Variants in ATXN3 observed in about 807,000 individuals in gnomAD.
ATXN3 encodes ataxin 3.
A neutral mutation model predicts 58.2 loss-of-function variants in ATXN3; 28 were observed. The observed-to-expected ratio is 0.48, with a 90% confidence interval of 0.36 to 0.66. The LOEUF is 0.66. Among genes scored for constraint, ATXN3 ranks in the 30% least tolerant of loss-of-function variants. The pLI is 0.00. For synonymous variants in ATXN3, 113 were observed against 138.5 expected (o/e 0.82, Z 1.29); for missense variants, 321 against 422.1 (o/e 0.76, Z 2.10).
At chr14:92,091,641 A>C (rs1432143754) in intron 5 of ATXN3, among the ~76,000 whole-genome samples, 2 of 152,126 alleles carry the variant, frequency 1.3e-5, no homozygotes, top group Non-Finnish European at 2.9e-5. Flanking sequence ...TTTAAAAAAA[A>C]CAGATTTATT....
chr14:92,070,731 C>G, intron 10 of ATXN3: 1 of 1,326,252 alleles, frequency 7.5e-7, no homozygotes, highest in Non-Finnish European at 1.0e-6. Context: ...CAGATGTGAG[C>G]CACCACATCT....
chr14:92,066,601 G>GTTTTTTTTTT (rs66941473), intron 10 of ATXN3, among the ~76,000 whole-genome samples: 67 of 106,984 alleles, frequency 6.3e-4, no homozygotes, highest in Non-Finnish European at 7.7e-4. Flanking sequence ...TTTTTTTCTT[G>GTTTTTTTTTT]TTTTTTTTTT....
intron 5 of ATXN3, among the ~76,000 whole-genome samples, chr14:92,089,021 C>CTT (rs397942802): frequency 1.4e-5 from 2 of 144,562 alleles, no homozygotes; most frequent in Non-Finnish European, 1.5e-5. Flanking sequence ...CTATTAAATA[C>CTT]TTTTTTTTTT....
chr14:92,084,322 C>T (rs1295372672), intron 6 of ATXN3, among the ~76,000 whole-genome samples: 2 of 152,166 alleles, frequency 1.3e-5, no homozygotes, highest in African/African-American at 4.8e-5. Flanking sequence ...GCGGAAAGAG[C>T]TACCCCCACC....
chr14:92,066,762 C>T (rs1479599394), intron 10 of ATXN3, among the ~76,000 whole-genome samples: 1 of 146,894 alleles, frequency 6.8e-6, no homozygotes, highest in Non-Finnish European at 1.5e-5. Flanking sequence ...CGCCCACCAC[C>T]AAGCCTGGAT....
chr14:92,106,372 G>C (rs989632715), intron 1 of ATXN3, among the ~76,000 whole-genome samples, 157 bp downstream of exon 1: 2 of 151,754 alleles, frequency 1.3e-5, no homozygotes, highest in Non-Finnish European at 2.9e-5. Context: ...TCCCCTCCTC[G>C]AGCCGAGGAG....
intron 9 of ATXN3, among the ~76,000 whole-genome samples, chr14:92,075,651 G>C (rs1399819984): frequency 6.6e-6 from 1 of 152,108 alleles, no homozygotes; most frequent in African/African-American, 2.4e-5. Flanking sequence ...GGTCAATTTG[G>C]GAAGGGTGAG....
chr14:92,093,709 G>T (rs753584953), intron 4 of ATXN3, 37 bp downstream of exon 4: 3 of 1,423,764 alleles, frequency 2.1e-6, no homozygotes, highest in Non-Finnish European at 2.9e-6. Context: ...ATCAAATTTG[G>T]GAAAAGAAAT....
chr14:92,105,673 C>A (rs926298744), intron 1 of ATXN3, among the ~76,000 whole-genome samples: 1 of 152,144 alleles, frequency 6.6e-6, no homozygotes, highest in Admixed American at 6.5e-5. Flanking sequence ...TTCACTCACA[C>A]ACAAATGGCT....
intron 2 of ATXN3, among the ~76,000 whole-genome samples, chr14:92,045,878 G>A (rs1248298598): frequency 6.6e-6 from 1 of 152,164 alleles, no homozygotes; most frequent in Non-Finnish European, 1.5e-5. Context: ...TGGCCGTGAG[G>A]GACAGAAGTT....
chr14:92,068,142 C>T (rs1338484739), intron 10 of ATXN3, among the ~76,000 whole-genome samples: 1 of 152,152 alleles, frequency 6.6e-6, no homozygotes, highest in Non-Finnish European at 1.5e-5. Context: ...GTTCAGCCTC[C>T]CTGTGACCAC....
At chr14:92,084,741 A>G (rs10138296) in intron 6 of ATXN3, among the ~76,000 whole-genome samples, 42,917 of 151,722 alleles carry the variant, frequency 0.28, 6,407 homozygotes, top group East Asian at 0.44. Context: ...CACCACACCC[A>G]GTTAATGTTT....
intron 6 of ATXN3, among the ~76,000 whole-genome samples, chr14:92,086,432 G>C (rs557062918): frequency 6.6e-6 from 1 of 151,600 alleles, no homozygotes; most frequent in Non-Finnish European, 1.5e-5. Flanking sequence ...AGGCATGGTG[G>C]CACATGCCTG....
chr14:92,096,180 G>GGCCCCC, intron 2 of ATXN3, 43 bp from the exon 3 acceptor site: 1 of 1,278,228 alleles, frequency 7.8e-7, no homozygotes, highest in Non-Finnish European at 1.1e-6. Context: ...TGGGGGTGGG[G>GGCCCCC]AAAGAAGGAT....
intron 10 of ATXN3, among the ~76,000 whole-genome samples, chr14:92,070,027 T>A (rs991927006): frequency 1.3e-5 from 2 of 152,230 alleles, no homozygotes; most frequent in African/African-American, 4.8e-5. Flanking sequence ...TGGTGAAATA[T>A]CTTTTCAAAT....
At chr14:92,050,743 C>G (rs943957983), upstream of ATXN3, 1 of 152,518 alleles carries the variant, frequency 6.6e-6, no homozygotes, top group African/African-American at 2.4e-5. Flanking sequence ...CTCCGCCTCC[C>G]AGGTTCAAGC....
At chr14:92,095,790 A>G (rs1330949887) in intron 3 of ATXN3, among the ~76,000 whole-genome samples, 1 of 151,734 alleles carries the variant, frequency 6.6e-6, no homozygotes, top group Non-Finnish European at 1.5e-5. Context: ...TAAAAATACA[A>G]ATATTAACTG....
chr14:92,097,878 T>A (rs1273946719), intron 1 of ATXN3, among the ~76,000 whole-genome samples: 1 of 152,156 alleles, frequency 6.6e-6, no homozygotes, highest in Non-Finnish European at 1.5e-5. Flanking sequence ...ATAAGGATAA[T>A]TAACATAGGT....
At position 92,097,064 on chromosome 14, in the gene ATXN3, C is replaced by T. The variant is rs1459717266; in HGVS notation, c.25-226G>A. On this transcript the variant is annotated intron_variant, in intron 1 of 10. Coordinates refer to ENST00000644486, the MANE Select transcript of ATXN3 (RefSeq NM_004993.6). The stretch of plus-strand genomic sequence containing the variant: ...CTGGTACTACAGGCACCCGCCACCA[C>T]GCCCGGCTAAATTTTTGTATTTTTA... 29 of 417,726 alleles carry T rather than the reference C, an allele frequency of 6.9e-5. No homozygotes were observed. The Admixed American group carries it at 7.5e-4, about 11-fold the overall frequency. The allele number at this position is 417,726 out of a possible 1,614,324, so 25.9% of individuals were successfully genotyped here.
Sources: allele counts gnomAD v4.1 joint callset (sites outside exome capture counted in the v4.1 genomes callset), GRCh38; gene constraint gnomAD v4.1.1; transcripts MANE v1.5; gene names NCBI Gene and HGNC (gene_info 2026-07-23, HGNC 2026-07-21).